The following CNOT10 variants were observed in gnomAD, a reference collection of about 807,000 sequenced individuals.
CNOT10 encodes CCR4-NOT transcription complex, subunit 10.
In CNOT10, 30 loss-of-function variants were observed where a neutral mutation model predicts 94.6. The observed-to-expected ratio is 0.32, with a 90% CI of 0.24 to 0.43. CNOT10 has a LOEUF of 0.43. CNOT10 is among the 20% of genes least tolerant of loss of function. CNOT10 has a pLI of 1.00. For synonymous variants in CNOT10, 289 were observed against 301.6 expected (o/e 0.96, Z 0.43); for missense variants, 759 against 877.2 (o/e 0.87, Z 1.70).
At chr3:32,744,828 T>C (rs1699624948) in intron 13 of CNOT10, among the ~76,000 whole-genome samples, 1 of 152,162 alleles carries the variant, frequency 6.6e-6, no homozygotes, top group African/African-American at 2.4e-5. Context: ...GGTGTAGTAA[T>C]TGCAGATAAC....
chr3:32,717,008 A>G (rs1327952627), intron 6 of CNOT10, 146 bp from the exon 7 acceptor site: 1 of 542,162 alleles, frequency 1.8e-6, no homozygotes, highest in East Asian at 3.2e-5. Flanking sequence ...TACAGTGAAA[A>G]TAGCATATTT....
chr3:32,753,630 C>T, intron 13 of CNOT10: 1 of 1,572,976 alleles, frequency 6.4e-7, no homozygotes, highest in Non-Finnish European at 8.7e-7. Flanking sequence ...GTGTAAAGCA[C>T]CTACATCCAT....
intron 3 of CNOT10, among the ~76,000 whole-genome samples, chr3:32,706,428 G>T (rs1697626683): frequency 6.6e-6 from 1 of 152,138 alleles, no homozygotes. Flanking sequence ...GTTTGTTAGG[G>T]CCTTCCAACT....
chr3:32,729,284 A>G (rs1030612766), intron 10 of CNOT10, among the ~76,000 whole-genome samples: 2 of 152,196 alleles, frequency 1.3e-5, no homozygotes, highest in African/African-American at 4.8e-5. Flanking sequence ...CCATGCTTAG[A>G]TAATCTCTAA....
At chr3:32,754,487 A>ATAT (rs1296898874) in intron 13 of CNOT10, among the ~76,000 whole-genome samples, 15,105 of 61,680 alleles carry the variant, frequency 0.24, 2,747 homozygotes, top group East Asian at 0.36. Context: ...AAAAAAAAAA[A>ATAT]AAATACATAT....
At chr3:32,755,613 A>G (rs1437019895) in intron 13 of CNOT10, among the ~76,000 whole-genome samples, 5 of 152,130 alleles carry the variant, frequency 3.3e-5, no homozygotes, top group Non-Finnish European at 7.4e-5. Flanking sequence ...GCCTTTTTTA[A>G]TAAGGGTTAA....
At position 32,727,787 on chromosome 3, in the gene CNOT10, CTGAT is replaced by C; in HGVS notation, c.1136_1139del (p.Ile379LysfsTer54). Reference sequence around the variant, plus strand: ...AAGGCCTCTTGCTGCCTTCGAATGTCTGATTGAAGCTGTTCAGGTTTATCATGCA... The same window carrying C: ...AAGGCCTCTTGCTGCCTTCGAATGTCTGAAGCTGTTCAGGTTTATCATGCA... On this transcript the variant is annotated frameshift_variant, in exon 10 of 19. Coordinates refer to ENST00000328834, the MANE Select transcript of CNOT10 (RefSeq NM_015442.3). LOFTEE classifies it high-confidence loss of function. 1.2e-6 allele frequency: 2 copies of C among 1,614,054 alleles called. No individual in the cohort carries two copies. Among genetic ancestry groups the C allele is most frequent in the Non-Finnish European group, 1.7e-6 (2 of 1,180,002 alleles).
At chr3:32,692,631 G>A (rs932476361) in intron 1 of CNOT10, among the ~76,000 whole-genome samples, 9 of 152,082 alleles carry the variant, frequency 5.9e-5, no homozygotes, top group Admixed American at 5.2e-4. Flanking sequence ...TTGGCATTTC[G>A]TAAATATCCA....
chr3:32,762,607 A>G lies in CNOT10; in HGVS notation c.1710-126A>G, dbSNP rs557718081. ...TTTACCTAAATAAATTTAGATTTCAATTTAAGGACATGAAATATGAGACCT... is the reference window on the plus strand; with the variant it reads ...TTTACCTAAATAAATTTAGATTTCAGTTTAAGGACATGAAATATGAGACCT... On this transcript the variant is annotated intron_variant, in intron 14 of 18. Coordinates refer to ENST00000328834, the MANE Select transcript of CNOT10 (RefSeq NM_015442.3). 320 of 992,142 alleles carry G rather than the reference A, an allele frequency of 3.2e-4. 4 individuals are homozygous for G. The South Asian group carries it at 5.2e-3, about 16-fold the overall frequency. The allele number at this position is 992,142 out of a possible 1,614,324, so 61.5% of individuals were successfully genotyped here. A position where few individuals can be genotyped will look rare whatever the true frequency, so the allele number is the denominator to read the frequency against.
chr3:32,718,600 A>G (rs1389655097), intron 7 of CNOT10, among the ~76,000 whole-genome samples: 2 of 151,342 alleles, frequency 1.3e-5, no homozygotes, highest in South Asian at 2.1e-4. Flanking sequence ...AAAAAAAAAA[A>G]AAAAGACATA....
intron 13 of CNOT10, among the ~76,000 whole-genome samples, chr3:32,743,043 A>G (rs938724971): frequency 8.1e-5 from 12 of 148,466 alleles, no homozygotes; most frequent in Non-Finnish European, 1.5e-5. Context: ...CTGGAGTGCA[A>G]TGGTGTGTCT....
At chr3:32,691,707 A>G (rs1299543027) in intron 1 of CNOT10, among the ~76,000 whole-genome samples, 5 of 152,232 alleles carry the variant, frequency 3.3e-5, no homozygotes, top group Non-Finnish European at 7.3e-5. Context: ...ACATTCACCT[A>G]TGTAACCATG....
chr3:32,733,779 A>G (rs923798963), intron 11 of CNOT10, among the ~76,000 whole-genome samples: 127 of 152,142 alleles, frequency 8.3e-4, no homozygotes, highest in African/African-American at 2.9e-3. Flanking sequence ...GGCCTAGGAA[A>G]CCCTAGTCTG....
chr3:32,712,737 G>C (rs1697948167), intron 4 of CNOT10, among the ~76,000 whole-genome samples: 2 of 152,108 alleles, frequency 1.3e-5, no homozygotes, highest in South Asian at 2.1e-4. Flanking sequence ...TACTCAGGAG[G>C]CTAAGGTGAA....
chr3:32,710,660 G>C (rs970123757), intron 4 of CNOT10, among the ~76,000 whole-genome samples: 1 of 151,878 alleles, frequency 6.6e-6, no homozygotes, highest in African/African-American at 2.4e-5. Flanking sequence ...TCTTTTTACT[G>C]TCTCTACAGT....
chr3:32,687,341 C>T (rs569101650), intron 1 of CNOT10, among the ~76,000 whole-genome samples: 1 of 151,760 alleles, frequency 6.6e-6, no homozygotes, highest in South Asian at 2.1e-4. Context: ...ATTCCCCTTC[C>T]TATAAAGTTT....
chr3:32,758,231 A>G (rs1404728993), intron 13 of CNOT10, among the ~76,000 whole-genome samples: 1 of 152,208 alleles, frequency 6.6e-6, no homozygotes, highest in Non-Finnish European at 1.5e-5. Context: ...CACACTAGAC[A>G]GTCTTTCAGC....
At chr3:32,711,805 A>G (rs1256537104) in intron 4 of CNOT10, among the ~76,000 whole-genome samples, 3 of 152,264 alleles carry the variant, frequency 2.0e-5, no homozygotes, top group East Asian at 3.9e-4. Context: ...GGATAATAGG[A>G]AATAAAGTCA....
At chr3:32,734,719 A>G (rs1360463874) in intron 11 of CNOT10, 81 bp from the exon 12 acceptor site, 7 of 1,129,448 alleles carry the variant, frequency 6.2e-6, no homozygotes, top group Admixed American at 2.4e-5. Context: ...TTTATAATCA[A>G]TTGGTTTTAT....
Sources: gnomAD v4.1 joint callset for allele counts (sites outside exome capture counted in the v4.1 genomes callset) on GRCh38, gnomAD v4.1.1 for gene constraint, MANE v1.5 for transcripts, NCBI Gene and HGNC (gene_info 2026-07-23, HGNC 2026-07-21) for gene names.